The following FRS3 variants were observed in gnomAD, a reference collection of about 807,000 sequenced individuals.
FRS3 encodes fibroblast growth factor receptor substrate 3, also known as FGFR substrate 3.
A neutral mutation model predicts 41.9 loss-of-function variants in FRS3; 17 were observed. The ratio of observed to expected loss-of-function variants is 0.41; its 90% CI spans 0.28 to 0.61. The LOEUF is 0.61. Among genes scored for constraint, FRS3 ranks in the 20% least tolerant of loss-of-function variants. The pLI is 0.36. For missense variants in FRS3, 619 were observed against 672.1 expected, an observed-to-expected ratio of 0.92 and a Z score of 0.87; for synonymous variants, 287 against 274.5, an observed-to-expected ratio of 1.05 and a Z score of -0.45.
rs374326438 is a variant in FRS3 at position 41,771,336 on chromosome 6, C to T, written c.762G>A (p.Val254=). The change falls in exon 7 of 7, where the codon GTG becomes GTA. Residue 254 remains valine (V), a synonymous_variant. Coordinates refer to ENST00000373018, the MANE Select transcript of FRS3 (RefSeq NM_006653.5). ...LGPTPARRHM[V]KCQGLCPSLH... ...GGCTGGGACAGAGGCCCTGGCACTT[C>T]ACCATGTGCCGCCGAGCAGGGGTCG... 4.6e-5 allele frequency: 75 copies of T among 1,613,438 alleles called. No individual in the cohort carries two copies. The African/African-American group carries it at 9.5e-4, about 20-fold the overall frequency.
rs1174159873 is a variant in FRS3 at position 41,775,505 on chromosome 6, C to T, written c.167G>A (p.Arg56His). ...GCGCCGCAAGCAGAGATAAGGCCAG[C>T]GGACGGCCTCACGCCGATGCAGGTG... ...VLHLHRREAV[R>H]WPYLCLRRYG... The change falls in exon 4 of 7, where the codon CGC becomes CAC. Residue 56 changes from arginine (R) to histidine (H), a missense_variant. Arg to His is a conservative substitution (Grantham distance 29). This residue lies in a region of FRS3 where 100 missense variants were observed against 138.1 expected (regional missense o/e 0.72). Transcript: ENST00000373018. 8 of 1,613,984 alleles carry T rather than the reference C, an allele frequency of 5.0e-6. No homozygotes were observed. Among genetic ancestry groups the T allele is most frequent in the South Asian group, 2.2e-5 (2 of 91,084 alleles).
intron 5 of FRS3, 53 bp downstream of exon 5, chr6:41,772,745 C>CGTGTGTGGGTGT: frequency 1.7e-6 from 2 of 1,162,764 alleles, no homozygotes; most frequent in East Asian, 2.7e-5. Flanking sequence ...GCTTCCTGGG[C>CGTGTGTGGGTGT]GTGTGTGTGT....
intron 4 of FRS3, among the ~76,000 whole-genome samples, chr6:41,774,715 G>A (rs186509574): frequency 5.3e-5 from 8 of 152,310 alleles, no homozygotes; most frequent in Middle Eastern, 3.4e-3. Flanking sequence ...GCTACGTGGG[G>A]TGTGCCTGTG....
At chr6:41,772,561 C>G (rs1772322612) in intron 5 of FRS3, among the ~76,000 whole-genome samples, 1 of 152,170 alleles carries the variant, frequency 6.6e-6, no homozygotes, top group Middle Eastern at 3.2e-3. Flanking sequence ...TGTCTGCTCC[C>G]CAACCATCAG....
intron 5 of FRS3, 137 bp from the exon 6 acceptor site, chr6:41,772,101 C>G: frequency 1.5e-6 from 1 of 651,672 alleles, no homozygotes; most frequent in Non-Finnish European, 2.6e-6. Flanking sequence ...TTAAACCCCA[C>G]TGAGCCACCA....
At chr6:41,772,282 G>A (rs373440618) in intron 5 of FRS3, among the ~76,000 whole-genome samples, 15 of 152,240 alleles carry the variant, frequency 9.9e-5, no homozygotes, top group African/African-American at 3.6e-4. Context: ...TGCCAGTAAG[G>A]TCCAGGGAAG....
rs1287390487 is a variant in FRS3, at chr6:41,770,859, C to T, written c.1239G>A (p.Arg413=). Residue 413 remains arginine, a synonymous_variant, in exon 7 of 7, where the codon AGG becomes AGA. Transcript: ENST00000373018. The part of the protein sequence containing the change: ...DFRRPGPEPP[R]QLNYIQVELK... ...GCTCCACCTGGATGTAGTTAAGCTG[C>T]CTTGGGGGCTCGGGCCCCGGCCGGC... 1.2e-6 allele frequency: 2 copies of T among 1,609,664 alleles called. No homozygotes were observed. Among genetic ancestry groups the T allele is most frequent in the Non-Finnish European group, 1.7e-6 (2 of 1,179,898 alleles).
chr6:41,776,559 G>A (rs756521103), intron 3 of FRS3: 1 of 178,640 alleles, frequency 5.6e-6, no homozygotes, highest in Non-Finnish European at 1.2e-5. Flanking sequence ...ACCGTGCCTG[G>A]CCACTAAGCA....
chr6:41,771,539 GAA>G lies in FRS3; in HGVS notation c.565-8_565-7del, dbSNP rs906565723. The G allele has an allele frequency of 2.6e-6, 4 of 1,521,754 alleles. No individual in the cohort carries two copies. The highest frequency in any genetic ancestry group is 3.5e-6 in the Non-Finnish European group (4 of 1,138,588). The allele number at this position is 1,521,754 out of a possible 1,614,324, so 94.3% of individuals were successfully genotyped here. On this transcript the variant is annotated splice_polypyrimidine_tract_variant and splice_region_variant and intron_variant, in intron 6 of 6. Transcript: ENST00000373018. ...GTGTTGACATAGGTGTGGGACTGGG[GAA>G]AGAGTCCAAGTGAGGCAGGAGTGTC...
Position 41,771,153 on chromosome 6 carries a change from G to A in FRS3, c.945C>T (p.Arg315=). The A allele has an allele frequency of 6.4e-7, 1 of 1,557,122 alleles. No homozygotes were observed. Among genetic ancestry groups the A allele is most frequent in the Admixed American group, 1.8e-5 (1 of 55,074 alleles). Residue 315 remains arginine (R), a synonymous_variant, in exon 7 of 7, where the codon CGC becomes CGT. Coordinates refer to ENST00000373018, the MANE Select transcript of FRS3 (RefSeq NM_006653.5). Reference sequence around the variant, plus strand: ...TCTCATAGTGCAGCAGGGCGGCCCGGCGGTGGGCAAGGCCATTCCAGCCCG... The same window carrying A: ...TCTCATAGTGCAGCAGGGCGGCCCGACGGTGGGCAAGGCCATTCCAGCCCG... ...EEPGWNGLAH[R]RAALLHYENL... is the part of the protein sequence containing the mutation.
In FRS3 at chr6:41,771,400, A is replaced by C; in HGVS notation, c.698T>G (p.Val233Gly). 1.2e-6 allele frequency: 2 copies of C among 1,613,382 alleles called. No individual in the cohort carries two copies. Among genetic ancestry groups the C allele is most frequent in the Non-Finnish European group, 1.7e-6 (2 of 1,179,788 alleles). ...CTTCACCTGGCCTGGCTGCAAGAAC[A>C]CCTGTGGGTCCCGTTGGTCAGGTCC... Reference protein sequence around the residue: ...ARGPDQRDPQVFLQPGQVKFV... With the variant: ...ARGPDQRDPQGFLQPGQVKFV... Residue 233 changes from valine to glycine, a missense_variant, in exon 7 of 7, where the codon GTG (valine) becomes GGG (glycine). Physicochemically the swap from Val to Gly is moderately radical, Grantham distance 109. Coordinates refer to ENST00000373018, the MANE Select transcript of FRS3 (RefSeq NM_006653.5).
At chr6:41,779,722 TAGGG>T (rs1163637277) in intron 1 of FRS3, 90 bp downstream of exon 1, 1 of 134,014 alleles carries the variant, frequency 7.5e-6, no homozygotes, top group African/African-American at 2.8e-5. Flanking sequence ...CGGGGCTTCC[TAGGG>T]AGGGAGTGGA....
chr6:41,779,525 G>A (rs997642642), intron 1 of FRS3, among the ~76,000 whole-genome samples: 4 of 152,024 alleles, frequency 2.6e-5, no homozygotes, highest in African/African-American at 7.2e-5. Context: ...GAGGGCTCCA[G>A]GAGATGCGAT....
At chr6:41,777,902 G>A (rs1772443465) in intron 2 of FRS3, 131 bp downstream of exon 2, 1 of 152,582 alleles carries the variant, frequency 6.6e-6, no homozygotes, top group African/African-American at 2.4e-5. Context: ...CAAGAAATAA[G>A]TCTGTAGGAT....
At position 41,771,166 on chromosome 6, in the gene FRS3, C is replaced by G; in HGVS notation, c.932G>C (p.Gly311Ala). 6.4e-7 allele frequency: 1 copy of G among 1,554,012 alleles called. No individual in the cohort carries two copies. The highest frequency in any genetic ancestry group is 8.7e-7 in the Non-Finnish European group (1 of 1,147,164). The change falls in exon 7 of 7, where the codon GGC (glycine) becomes GCC (alanine). Residue 311 changes from glycine to alanine, a missense_variant. Gly to Ala is a moderately conservative substitution (Grantham distance 60, BLOSUM62 0). Transcript: ENST00000373018. ...RLSPEEPGWNGLAHRRAALLH... is the reference protein window; with the variant it reads ...RLSPEEPGWNALAHRRAALLH... Reference sequence around the variant, plus strand: ...CAGGGCGGCCCGGCGGTGGGCAAGGCCATTCCAGCCCGGCTCCTCTGGGCT... The same window carrying G: ...CAGGGCGGCCCGGCGGTGGGCAAGGGCATTCCAGCCCGGCTCCTCTGGGCT...
At chr6:41,778,705 G>T (rs1307477863) in intron 1 of FRS3, among the ~76,000 whole-genome samples, 1 of 152,146 alleles carries the variant, frequency 6.6e-6, no homozygotes, top group Non-Finnish European at 1.5e-5. Context: ...TAAATAACTT[G>T]CAGAGGTAAA....
chr6:41,770,659 G>C lies in FRS3; in HGVS notation c.1439C>G (p.Ala480Gly). ...GGTGCTGTTGTGCCGGGTTTTCCTG[G>C]CGGTGCCATCGTCTCGGGGCAGAGC... is the stretch of plus-strand genomic sequence containing the variant. ...QRALPRDDGT[A>G]RKTRHNSTDL... Residue 480 changes from alanine to glycine, a missense_variant, in exon 7 of 7, where the codon GCC becomes GGC. This residue lies in a region of FRS3 where 32 missense variants were observed against 55.6 expected (regional missense o/e 0.58). Coordinates refer to ENST00000373018, the MANE Select transcript of FRS3 (RefSeq NM_006653.5). 1.2e-6 allele frequency: 2 copies of C among 1,614,232 alleles called. No homozygotes were observed. The highest frequency in any genetic ancestry group is 1.7e-6 in the Non-Finnish European group (2 of 1,180,030).
intron 6 of FRS3, 131 bp downstream of exon 6, chr6:41,771,685 T>G (rs1772297866): frequency 8.4e-7 from 1 of 1,191,066 alleles, no homozygotes; most frequent in African/African-American, 1.5e-5. Flanking sequence ...TGCTCCCTTT[T>G]GGGGACAGGA....
rs557373347 is a variant in FRS3, at chr6:41,773,473, C to T, written c.254-514G>A. Reference sequence around the variant, plus strand: ...GAAAGGCTGGGTCCAAGGTACCCTGCCCCAGCACGCCCACACCACATTGAA... The same window carrying T: ...GAAAGGCTGGGTCCAAGGTACCCTGTCCCAGCACGCCCACACCACATTGAA... On this transcript the variant is annotated intron_variant, in intron 4 of 6. Coordinates refer to ENST00000373018, the MANE Select transcript of FRS3 (RefSeq NM_006653.5). 3.3e-5 allele frequency among the ~76,000 whole-genome samples: 5 copies of T among 152,260 alleles called. No individual in the cohort carries two copies. The East Asian group carries it at 5.8e-4, about 18-fold the overall frequency.
Sources: allele counts gnomAD v4.1 joint callset (sites outside exome capture counted in the v4.1 genomes callset), GRCh38; gene constraint gnomAD v4.1.1; regional missense constraint gnomAD v4.1.1; transcripts MANE v1.5; gene names NCBI Gene and HGNC (gene_info 2026-07-23, HGNC 2026-07-21).